Variants in NID2 observed in about 807,000 individuals in gnomAD.
The protein encoded by NID2 is nidogen 2.
Under a neutral mutation model 145.4 loss-of-function variants are expected in NID2, and 83 were observed. The ratio of observed to expected loss-of-function variants is 0.57; its 90% CI spans 0.48 to 0.69. NID2 has a LOEUF of 0.69. Among genes scored for constraint, NID2 ranks in the 30% least tolerant of loss-of-function variants. NID2 has a pLI of 0.00. For missense variants in NID2, 1,807 were observed against 1,765.7 expected (o/e 1.02, Z -0.42); for synonymous variants, 739 against 701.3 (o/e 1.05, Z -0.85).
At chr14:52,006,760 T>C in intron 19 of NID2, 100 bp from the exon 20 acceptor site, 1 of 1,301,090 alleles carries the variant, frequency 7.7e-7, no homozygotes, top group Non-Finnish European at 1.1e-6. Context: ...GGAAATAGGA[T>C]ATTTTACTTC....
At chr14:52,010,822 G>A in intron 18 of NID2, 54 bp downstream of exon 18, 1 of 1,558,730 alleles carries the variant, frequency 6.4e-7, no homozygotes, top group South Asian at 1.1e-5. Context: ...TAAAACCCAA[G>A]GGCTTCACAT....
rs748826130 is a variant in NID2, at chr14:52,014,231, G to A, written c.3420+56C>T. ...CTCACTGCAACAGGGCCTGTGAGGT[G>A]GCTCCCACTGGGAAAGCCACGCAGC... On this transcript the variant is annotated intron_variant, in intron 16 of 21. Transcript: ENST00000216286. The A allele has an allele frequency of 6.8e-6, 11 of 1,607,206 alleles. No individual in the cohort carries two copies. In the South Asian group the frequency reaches 1.2e-4, roughly 18 times the overall value.
chr14:52,040,698 G>A lies in NID2; in HGVS notation c.1979C>T (p.Thr660Ile), dbSNP rs775518198. 15 of 1,614,148 alleles carry A rather than the reference G, an allele frequency of 9.3e-6. No individual in the cohort carries two copies. The highest frequency in any genetic ancestry group is 1.2e-5 in the Non-Finnish European group (14 of 1,180,016). ...GQVPYVSANFTAHISPYKELY... is the reference protein window; with the variant it reads ...GQVPYVSANFIAHISPYKELY... ...CTCCTTGTAGGGAGAGATGTGGGCT[G>A]TGAAATTTGCTGAGACGTAAGGCAC... Residue 660 changes from threonine (T) to isoleucine (I), a missense_variant, in exon 8 of 22, where the codon ACA (threonine) becomes ATA (isoleucine). Physicochemically the swap from Thr to Ile is moderately conservative, Grantham distance 89. Coordinates refer to ENST00000216286, the MANE Select transcript of NID2 (RefSeq NM_007361.4).
In NID2 at chr14:52,046,562, A is replaced by ATAGCTTTTATCT. The variant is rs557795885; in HGVS notation, c.1430-3643_1430-3632dup. ...ATGGAGAGTTAAACTAGGTGGAGTC[A>ATAGCTTTTATCT]TAGCTTTTATCTAAGTAAAAAGAGG... On this transcript the variant is annotated intron_variant, in intron 5 of 21. Transcript: ENST00000216286. Among the ~76,000 whole-genome samples the ATAGCTTTTATCT allele has an allele frequency of 3.6e-3, 549 of 152,342 alleles. 9 individuals carry two copies. Among genetic ancestry groups the ATAGCTTTTATCT allele is most frequent in the Non-Finnish European group, 6.4e-3 (438 of 68,024 alleles).
chr14:52,036,369 A>G (rs2645747), intron 9 of NID2, among the ~76,000 whole-genome samples: 82,225 of 152,038 alleles, frequency 0.54, 22,615 homozygotes, highest in Middle Eastern at 0.59. Flanking sequence ...TGGTTGAATA[A>G]TATTCCAGTA....
intron 12 of NID2, among the ~76,000 whole-genome samples, chr14:52,023,611 C>T (rs1187494186): frequency 6.6e-6 from 1 of 152,184 alleles, no homozygotes; most frequent in South Asian, 2.1e-4. Flanking sequence ...TCCACTCACA[C>T]TTGCTCCTCC....
At chr14:52,022,435 G>A (rs911689680) in intron 12 of NID2, among the ~76,000 whole-genome samples, 3 of 152,108 alleles carry the variant, frequency 2.0e-5, no homozygotes, top group Non-Finnish European at 2.9e-5. Flanking sequence ...CTAGAGTCCC[G>A]GGACCTGGGC....
At chr14:52,055,373 T>C (rs1436214519) in intron 3 of NID2, among the ~76,000 whole-genome samples, 1 of 152,208 alleles carries the variant, frequency 6.6e-6, no homozygotes. Context: ...AACTGATTAA[T>C]TCCCTAATCC....
chr14:52,032,187 T>C (rs1211450904), intron 9 of NID2, among the ~76,000 whole-genome samples: 1 of 152,226 alleles, frequency 6.6e-6, no homozygotes, highest in African/African-American at 2.4e-5. Flanking sequence ...AACACCACAG[T>C]GCATTCTTGT....
intron 12 of NID2, among the ~76,000 whole-genome samples, chr14:52,020,955 T>C (rs1449947267): frequency 2.0e-5 from 3 of 152,006 alleles, no homozygotes; most frequent in African/African-American, 7.3e-5. Context: ...CAACTTACAT[T>C]CCTTTTATTT....
At chr14:52,030,462 A>C (rs1891761019) in intron 9 of NID2, among the ~76,000 whole-genome samples, 1 of 131,626 alleles carries the variant, frequency 7.6e-6, no homozygotes, top group African/African-American at 2.8e-5. Flanking sequence ...ATATGCCAAG[A>C]CCTTATCTCG....
intron 16 of NID2, among the ~76,000 whole-genome samples, chr14:52,012,901 C>T (rs1891085576): frequency 6.6e-6 from 1 of 152,148 alleles, no homozygotes; most frequent in South Asian, 2.1e-4. Flanking sequence ...CTAACAGCCT[C>T]CTGGGGCTTG....
chr14:52,062,819 C>A (rs1191603103), intron 2 of NID2, among the ~76,000 whole-genome samples: 1 of 151,490 alleles, frequency 6.6e-6, no homozygotes, highest in Non-Finnish European at 1.5e-5. Context: ...TTATTTTATT[C>A]ATTCATTCAT....
At chr14:52,009,223 G>T in intron 18 of NID2, 1 of 152,194 alleles carries the variant, frequency 6.6e-6, no homozygotes, top group East Asian at 1.9e-4. Context: ...CTAAGGTGGA[G>T]GTGGCCAGAG....
At chr14:52,046,614 A>T (rs1892506007) in intron 5 of NID2, among the ~76,000 whole-genome samples, 1 of 152,232 alleles carries the variant, frequency 6.6e-6, no homozygotes, top group South Asian at 2.1e-4. Context: ...GCAACTTACA[A>T]GTGCAACTGT....
At chr14:52,009,867 G>T (rs113437978) in intron 18 of NID2, 5 of 152,338 alleles carry the variant, frequency 3.3e-5, no homozygotes, top group African/African-American at 1.2e-4. Flanking sequence ...CATGCCTGTA[G>T]TCCCAGCTAC....
chr14:52,048,980 T>G (rs898230582), intron 5 of NID2, among the ~76,000 whole-genome samples: 1 of 152,100 alleles, frequency 6.6e-6, no homozygotes, highest in African/African-American at 2.4e-5. Flanking sequence ...GTCCATGGCC[T>G]CCTCTGGGAC....
At chr14:52,032,499 T>A (rs533972407) in intron 9 of NID2, among the ~76,000 whole-genome samples, 33 of 152,294 alleles carry the variant, frequency 2.2e-4, no homozygotes, top group African/African-American at 7.2e-4. Context: ...ACCAGGTTCC[T>A]GAGTCAGTCC....
Position 52,042,854 on chromosome 14 carries a change from C to A in NID2, c.1507G>T (p.Asp503Tyr), listed in dbSNP as rs1359673203. ...RQCSRHAFCT[D>Y]YATGFCCHCQ... ...TGGCAGCAGAAGCCAGTGGCATAGTCCGTGCAGAAGGCATGCCGGGAGCAT... is the reference window on the plus strand; with the variant it reads ...TGGCAGCAGAAGCCAGTGGCATAGTACGTGCAGAAGGCATGCCGGGAGCAT... The change falls in exon 6 of 22, where the codon GAC becomes TAC. Residue 503 changes from aspartate to tyrosine, a missense_variant. Asp to Tyr is a radical substitution (Grantham distance 160). Transcript: ENST00000216286. The A allele has an allele frequency of 6.2e-7, 1 of 1,614,222 alleles. No homozygotes were observed. Among genetic ancestry groups the A allele is most frequent in the Non-Finnish European group, 8.5e-7 (1 of 1,180,034 alleles).
Sources: allele counts gnomAD v4.1 joint callset (sites outside exome capture counted in the v4.1 genomes callset), GRCh38; gene constraint gnomAD v4.1.1; transcripts MANE v1.5; gene names NCBI Gene and HGNC (gene_info 2026-07-23, HGNC 2026-07-21).